The following TBCK variants were observed in gnomAD, a reference collection of about 807,000 sequenced individuals.
TBCK encodes TBC domain-containing protein kinase-like protein.
Under a neutral mutation model 113.4 loss-of-function variants are expected in TBCK, and 99 were observed. That is an observed-to-expected ratio of 0.87 (90% CI 0.74 to 1.03). The LOEUF is 1.03. Among genes scored for constraint, TBCK ranks in the 50% least tolerant of loss-of-function variants. TBCK has a pLI of 0.00. For synonymous variants in TBCK, 369 were observed against 370.8 expected (o/e 1.00, Z 0.05); for missense variants, 1,045 against 1,061.3 (o/e 0.98, Z 0.21).
intron 19 of TBCK, 104 bp from the exon 20 acceptor site, chr4:106,212,939 C>T: frequency 1.4e-6 from 1 of 725,780 alleles, no homozygotes; most frequent in South Asian, 2.0e-5. Flanking sequence ...TTTAATTTCT[C>T]CATGAGAATA....
intron 3 of TBCK, among the ~76,000 whole-genome samples, chr4:106,287,540 C>T (rs1325640822): frequency 6.6e-6 from 1 of 152,168 alleles, no homozygotes; most frequent in Non-Finnish European, 1.5e-5. Context: ...TGTAAACTAA[C>T]AGGATATTGC....
chr4:106,155,229 C>T (rs566957711), intron 23 of TBCK, among the ~76,000 whole-genome samples: 2 of 151,886 alleles, frequency 1.3e-5, no homozygotes, highest in South Asian at 2.1e-4. Flanking sequence ...TGCTGCCGGA[C>T]ATATAAGAGT....
chr4:106,140,026 G>A (rs1271406468), intron 23 of TBCK, among the ~76,000 whole-genome samples: 1 of 140,590 alleles, frequency 7.1e-6, no homozygotes, highest in Non-Finnish European at 1.6e-5. Flanking sequence ...TGTAATAGAT[G>A]TATATAATAG....
At chr4:106,154,276 C>A (rs368403674) in intron 23 of TBCK, among the ~76,000 whole-genome samples, 12 of 152,080 alleles carry the variant, frequency 7.9e-5, no homozygotes, top group African/African-American at 2.9e-4. Context: ...ATATTATAAT[C>A]CATTATTTTA....
chr4:106,056,743 C>G lies in TBCK; in HGVS notation c.2572-10063G>C, dbSNP rs1735458223. Among the ~76,000 whole-genome samples the G allele has an allele frequency of 2.6e-5, 4 of 151,446 alleles. No homozygotes were observed. In the South Asian group the frequency reaches 6.2e-4, roughly 24 times the overall value. On this transcript the variant is annotated intron_variant, in intron 25 of 25. Transcript: ENST00000394708. ...TTCAGTCAGTATCATACAGAGATTT[C>G]TTCCTTACTAGGGTTATTGTCCTTA...
chr4:106,292,489 GAA>G lies in TBCK; in HGVS notation c.266+2603_266+2604del, dbSNP rs1337658336. Among the ~76,000 whole-genome samples, 8 of 151,358 alleles carry G rather than the reference GAA, an allele frequency of 5.3e-5. No homozygotes were observed. In the South Asian group the frequency reaches 1.5e-3, roughly 28 times the overall value. Reference sequence around the variant, plus strand: ...AAAGGCTGAGGCAGGAGAATGGCATGAACCCGGGAGGAGGAGCTTGCAGTGAG... The same window carrying G: ...AAAGGCTGAGGCAGGAGAATGGCATGCCCGGGAGGAGGAGCTTGCAGTGAG... On this transcript the variant is annotated intron_variant, in intron 3 of 25. Transcript: ENST00000394708.
At chr4:106,240,679 C>T (rs980300838) in intron 12 of TBCK, among the ~76,000 whole-genome samples, 1 of 151,862 alleles carries the variant, frequency 6.6e-6, no homozygotes, top group African/African-American at 2.4e-5. Flanking sequence ...TACTTAAGAT[C>T]TATACATTTT....
At chr4:106,149,076 A>G (rs1454816884) in intron 23 of TBCK, among the ~76,000 whole-genome samples, 1 of 152,234 alleles carries the variant, frequency 6.6e-6, no homozygotes, top group Middle Eastern at 3.4e-3. Flanking sequence ...CTAGCTTCCA[A>G]CTTTTCTTCT....
At chr4:106,047,879 C>T (rs1190962769) in intron 25 of TBCK, among the ~76,000 whole-genome samples, 1 of 152,080 alleles carries the variant, frequency 6.6e-6, no homozygotes, top group African/African-American at 2.4e-5. Context: ...GTATTTGTGT[C>T]TTCAAGTTCT....
At chr4:106,312,278 T>C (rs1225441400) in intron 1 of TBCK, among the ~76,000 whole-genome samples, 1 of 152,098 alleles carries the variant, frequency 6.6e-6, no homozygotes, top group Non-Finnish European at 1.5e-5. Flanking sequence ...CACAATTCAA[T>C]AATAAAACAA....
intron 24 of TBCK, among the ~76,000 whole-genome samples, chr4:106,097,072 G>A (rs1298683352): frequency 6.6e-6 from 1 of 152,046 alleles, no homozygotes; most frequent in East Asian, 1.9e-4. Flanking sequence ...CTTTAAAGAA[G>A]ATTTTAATCT....
intron 23 of TBCK, among the ~76,000 whole-genome samples, chr4:106,156,043 G>A (rs867375440): frequency 6.6e-6 from 1 of 152,020 alleles, no homozygotes; most frequent in Non-Finnish European, 1.5e-5. Context: ...GGCTTTTCAG[G>A]TACTCAGAAG....
At chr4:106,236,967 A>G (rs1172759322) in intron 12 of TBCK, among the ~76,000 whole-genome samples, 159 bp from the exon 13 acceptor site, 3 of 151,964 alleles carry the variant, frequency 2.0e-5, no homozygotes, top group Non-Finnish European at 4.4e-5. Context: ...TAAACATGCA[A>G]GCATACAATG....
Position 106,046,315 on chromosome 4 carries a change from T to C in TBCK, c.*255A>G, listed in dbSNP as rs1046195554. ...TGTCAGCTGAATTTCTTGGGCTTTA[T>C]GTGGCAGTGTGGTAAAAATATATGA... On this transcript the variant is annotated 3_prime_UTR_variant, in exon 26 of 26. Coordinates refer to ENST00000394708, the MANE Select transcript of TBCK (RefSeq NM_001163435.3). 3.1e-6 allele frequency: 1 copy of C among 322,710 alleles called. No homozygotes were observed. The allele number at this position is 322,710 out of a possible 1,614,324, so 20.0% of individuals were successfully genotyped here. A position where few individuals can be genotyped will look rare whatever the true frequency, so the allele number is the denominator to read the frequency against.
intron 25 of TBCK, among the ~76,000 whole-genome samples, chr4:106,065,365 G>A (rs1376096532): frequency 6.6e-6 from 1 of 151,966 alleles, no homozygotes; most frequent in African/African-American, 2.4e-5. Context: ...TCTAATTACA[G>A]TTTAGTAGCC....
At chr4:106,224,653 A>C (rs1279068797) in intron 19 of TBCK, among the ~76,000 whole-genome samples, 1 of 152,180 alleles carries the variant, frequency 6.6e-6, no homozygotes, top group East Asian at 1.9e-4. Flanking sequence ...TGTTCTATCA[A>C]ACTTTAGTAA....
intron 6 of TBCK, chr4:106,251,174 C>A (rs1165792407): frequency 5.3e-6 from 2 of 376,552 alleles, no homozygotes; most frequent in Non-Finnish European, 1.1e-5. Flanking sequence ...TTAATACCAC[C>A]TGAAGTTTCA....
intron 23 of TBCK, among the ~76,000 whole-genome samples, chr4:106,119,070 A>T (rs919141167): frequency 6.6e-6 from 1 of 152,224 alleles, no homozygotes; most frequent in African/African-American, 2.4e-5. Context: ...AGTTTTTCAT[A>T]CTTTTATAAG....
chr4:106,046,967 A>G (rs1734286431), intron 25 of TBCK, among the ~76,000 whole-genome samples: 1 of 152,170 alleles, frequency 6.6e-6, no homozygotes, highest in Admixed American at 6.5e-5. Context: ...TCAGTAGTAA[A>G]GGGTATACAA....
Sources: gnomAD v4.1 joint callset for allele counts (sites outside exome capture counted in the v4.1 genomes callset) on GRCh38, gnomAD v4.1.1 for gene constraint, MANE v1.5 for transcripts, NCBI Gene and HGNC (gene_info 2026-07-23, HGNC 2026-07-21) for gene names.